PALS1: variants seen among roughly 807,000 people sequenced by gnomAD.
PALS1 encodes the protein protein PALS1.
PALS1 carries 31 observed loss-of-function variants against 78.9 expected under a neutral mutation model. The ratio of observed to expected loss-of-function variants is 0.39; its 90% CI spans 0.30 to 0.53. The LOEUF is 0.53. Among genes scored for constraint, PALS1 ranks in the 20% least tolerant of loss-of-function variants. The pLI, the probability that PALS1 is intolerant of heterozygous loss-of-function variation, is 0.67. For synonymous variants in PALS1, 276 were observed against 270.9 expected (o/e 1.02, Z -0.18); for missense variants, 704 against 826.5 (o/e 0.85, Z 1.82).
chr14:67,304,299 T>C (rs1259993090), intron 8 of PALS1, among the ~76,000 whole-genome samples: 1 of 152,186 alleles, frequency 6.6e-6, no homozygotes, highest in East Asian at 1.9e-4. Flanking sequence ...CCAAAGTATA[T>C]ATCCAAAAGG....
At chr14:67,329,997 T>G (rs950706141) in intron 14 of PALS1, among the ~76,000 whole-genome samples, 22 of 151,250 alleles carry the variant, frequency 1.5e-4, no homozygotes, top group Non-Finnish European at 2.1e-4. Context: ...GGTATTGGCA[T>G]AAAGATGTGA....
At chr14:67,267,915 ATT>A (rs1567509939) in intron 1 of PALS1, among the ~76,000 whole-genome samples, 1 of 151,966 alleles carries the variant, frequency 6.6e-6, no homozygotes, top group East Asian at 1.9e-4. Flanking sequence ...TTCTTATTGC[ATT>A]TTTTGTTTAT....
rs2085193071 is a variant in PALS1 at position 67,317,397 on chromosome 14, T to C, written c.1298-11T>C. 1 of 1,605,740 alleles carries C rather than the reference T, an allele frequency of 6.2e-7. No homozygotes were observed. Among genetic ancestry groups the C allele is most frequent in the Non-Finnish European group, 8.5e-7 (1 of 1,175,212 alleles). On this transcript the variant is annotated splice_polypyrimidine_tract_variant and intron_variant, in intron 10 of 14. Coordinates refer to ENST00000261681, the MANE Select transcript of PALS1 (RefSeq NM_022474.4). The stretch of plus-strand genomic sequence containing the variant: ...AACACATTTATAGTTATGTTTATGA[T>C]TGCTCAACAGGAAAACTGTGGTGTG...
intron 14 of PALS1, among the ~76,000 whole-genome samples, chr14:67,331,521 G>C (rs1054805955): frequency 2.6e-5 from 4 of 152,138 alleles, no homozygotes; most frequent in Admixed American, 6.5e-5. Context: ...ATGAAGGCTT[G>C]AGAGTGGCTA....
intron 1 of PALS1, among the ~76,000 whole-genome samples, chr14:67,243,446 C>G (rs182155292): frequency 5.3e-5 from 8 of 150,628 alleles, no homozygotes; most frequent in Middle Eastern, 3.5e-3. Flanking sequence ...CCTCGGCCTC[C>G]TGAAATGCTG....
At chr14:67,251,033 T>C (rs1012120340) in intron 1 of PALS1, among the ~76,000 whole-genome samples, 10 of 152,212 alleles carry the variant, frequency 6.6e-5, no homozygotes, top group African/African-American at 2.2e-4. Context: ...AATGAGGAAA[T>C]TGAGGCTCAG....
chr14:67,264,929 A>G (rs1567508316), intron 1 of PALS1, among the ~76,000 whole-genome samples: 1 of 152,046 alleles, frequency 6.6e-6, no homozygotes, highest in Non-Finnish European at 1.5e-5. Context: ...ATTGTCAGGA[A>G]TCATATTTTT....
Position 67,279,518 on chromosome 14 carries a change from T to C in PALS1, c.348T>C (p.His116=), listed in dbSNP as rs201881417. The change falls in exon 3 of 15, where the codon CAT becomes CAC. Residue 116 remains histidine, a synonymous_variant. Coordinates refer to ENST00000261681, the MANE Select transcript of PALS1 (RefSeq NM_022474.4). ...TEEGIVLESP[H]YAVKILEIED... The stretch of plus-strand genomic sequence containing the variant: ...AAGGAATTGTCTTAGAAAGTCCTCA[T>C]TATGCTGTGAAAATATTAGGTAAGT... 7.1e-5 allele frequency: 110 copies of C among 1,538,888 alleles called. 2 individuals carry two copies. The South Asian group carries it at 1.0e-3, about 14-fold the overall frequency.
Position 67,320,417 on chromosome 14 carries a change from C to T in PALS1, c.1537+20C>T, listed in dbSNP as rs758954235. The T allele has an allele frequency of 6.4e-7, 1 of 1,570,766 alleles. No homozygotes were observed. The highest frequency in any genetic ancestry group is 1.9e-5 in the Admixed American group (1 of 53,494). On this transcript the variant is annotated intron_variant, in intron 12 of 14. Transcript: ENST00000261681. ...TTCCTCGTAAGTTTGAATGCATTCC[C>T]ATTTTCCTGTGCTTTTCAATTTACC...
chr14:67,289,011 G>A (rs962834858), intron 3 of PALS1, among the ~76,000 whole-genome samples: 55 of 141,502 alleles, frequency 3.9e-4, no homozygotes, highest in African/African-American at 1.4e-3. Context: ...CTGTCATCTA[G>A]GCTAGAGTGC....
chr14:67,259,859 CTA>C (rs1365557114), intron 1 of PALS1, among the ~76,000 whole-genome samples: 1 of 145,870 alleles, frequency 6.9e-6, no homozygotes, highest in African/African-American at 2.6e-5. Flanking sequence ...CTGCAGTGAG[CTA>C]TGATTGTGCT....
At chr14:67,256,089 C>G (rs2084141111) in intron 1 of PALS1, among the ~76,000 whole-genome samples, 1 of 145,162 alleles carries the variant, frequency 6.9e-6, no homozygotes, top group Non-Finnish European at 1.5e-5. Flanking sequence ...ATAAAAGCAA[C>G]ACATACTTTT....
chr14:67,285,668 C>T (rs2084674342), intron 3 of PALS1, among the ~76,000 whole-genome samples: 1 of 151,982 alleles, frequency 6.6e-6, no homozygotes, highest in Admixed American at 6.6e-5. Flanking sequence ...GCGCCTGACC[C>T]CCTTAGGTAA....
intron 1 of PALS1, among the ~76,000 whole-genome samples, chr14:67,250,108 CTTGAAAACCA>C (rs1265336941): frequency 6.6e-6 from 1 of 152,118 alleles, no homozygotes; most frequent in East Asian, 1.9e-4. Flanking sequence ...CATCCTACAA[CTTGAAAACCA>C]TTGATGTAGA....
In PALS1 at chr14:67,302,282, T is replaced by G; in HGVS notation, c.802-128T>G. ...TCTAATTACAATTACTCTAGTTGTG[T>G]AAATAAATTTTTTCTTAAGATAACT... is the stretch of plus-strand genomic sequence containing the variant. On this transcript the variant is annotated intron_variant, in intron 6 of 14. Transcript: ENST00000261681. 3 of 1,056,370 alleles carry G rather than the reference T, an allele frequency of 2.8e-6. No homozygotes were observed. The South Asian group carries it at 9.3e-5, about 33-fold the overall frequency. The allele number at this position is 1,056,370 out of a possible 1,614,324, so 65.4% of individuals were successfully genotyped here. A position where few individuals can be genotyped will look rare whatever the true frequency, so the allele number is the denominator to read the frequency against.
chr14:67,279,343 G>A lies in PALS1; in HGVS notation c.173G>A (p.Arg58His), dbSNP rs143923342. ...ATACGTCGAAGTGCACAGTTGGAGCGTATTCGGCAACAACAGGAGGACATG... is the reference window on the plus strand; with the variant it reads ...ATACGTCGAAGTGCACAGTTGGAGCATATTCGGCAACAACAGGAGGACATG... ...MPIRRSAQLE[R>H]IRQQQEDMRR... Residue 58 changes from arginine to histidine, a missense_variant, in exon 3 of 15, where the codon CGT (arginine) becomes CAT (histidine). Coordinates refer to ENST00000261681, the MANE Select transcript of PALS1 (RefSeq NM_022474.4). 9.3e-6 allele frequency: 15 copies of A among 1,613,856 alleles called. No homozygotes were observed. The highest frequency in any genetic ancestry group is 5.0e-5 in the Admixed American group (3 of 59,974).
chr14:67,316,808 CT>C (rs751327628), intron 9 of PALS1, 23 bp from the exon 10 acceptor site: 11 of 1,588,466 alleles, frequency 6.9e-6, no homozygotes, highest in Non-Finnish European at 9.4e-6. Context: ...ATATTTTACC[CT>C]TCTTTTTCTT....
At chr14:67,293,888 AAG>A (rs1395711500) in intron 4 of PALS1, among the ~76,000 whole-genome samples, 3 of 152,164 alleles carry the variant, frequency 2.0e-5, no homozygotes, top group Admixed American at 1.3e-4. Context: ...ATGGGTGAAG[AAG>A]AGAGTGAGAG....
chr14:67,261,677 A>T (rs1487706224), intron 1 of PALS1, among the ~76,000 whole-genome samples: 1 of 152,148 alleles, frequency 6.6e-6, no homozygotes, highest in African/African-American at 2.4e-5. Flanking sequence ...GAATGTTGGT[A>T]GCCTAGTATC....
Sources: allele counts gnomAD v4.1 joint callset (sites outside exome capture counted in the v4.1 genomes callset), GRCh38; gene constraint gnomAD v4.1.1; transcripts MANE v1.5; gene names NCBI Gene and HGNC (gene_info 2026-07-23, HGNC 2026-07-21).